Variants in PTPRJ observed in about 807,000 individuals in gnomAD.
The protein encoded by PTPRJ is receptor-type tyrosine-protein phosphatase eta.
In PTPRJ, 129 loss-of-function variants were observed where a neutral mutation model predicts 141.3. That is an observed-to-expected ratio of 0.91 (90% CI 0.79 to 1.06). PTPRJ has a LOEUF of 1.06. Ranked by LOEUF, PTPRJ falls within the 50% of genes least tolerant of loss-of-function variation. The probability of loss-of-function intolerance (pLI) is 0.00; values close to 1 mark genes in which losing one functional copy is unlikely to be tolerated. For missense variants in PTPRJ, 1,601 were observed against 1,679.7 expected, an observed-to-expected ratio of 0.95 and a Z score of 0.82; for synonymous variants, 610 against 640.5, an observed-to-expected ratio of 0.95 and a Z score of 0.72.
intron 1 of PTPRJ, among the ~76,000 whole-genome samples, chr11:47,991,921 A>G (rs1590387058): frequency 6.6e-6 from 1 of 152,162 alleles, no homozygotes; most frequent in Non-Finnish European, 1.5e-5. Flanking sequence ...CTGCTATTTT[A>G]TTATCTTATT....
chr11:48,008,185 A>G (rs892146554), intron 1 of PTPRJ, among the ~76,000 whole-genome samples: 1 of 152,158 alleles, frequency 6.6e-6, no homozygotes, highest in Non-Finnish European at 1.5e-5. Context: ...TTTTGAGGGG[A>G]GGCTGAGCCC....
chr11:47,993,859 C>T (rs1015931828), intron 1 of PTPRJ, among the ~76,000 whole-genome samples: 4 of 150,194 alleles, frequency 2.7e-5, no homozygotes, highest in Non-Finnish European at 5.9e-5. Context: ...GAGGCAGTCT[C>T]GCTCTGTTGC....
chr11:48,069,008 G>A (rs1855160116), intron 1 of PTPRJ, among the ~76,000 whole-genome samples: 1 of 152,152 alleles, frequency 6.6e-6, no homozygotes, highest in Non-Finnish European at 1.5e-5. Flanking sequence ...CTCTGGAGAG[G>A]AAGTGATCTT....
At chr11:48,011,475 T>G (rs1854784794) in intron 1 of PTPRJ, among the ~76,000 whole-genome samples, 1 of 152,154 alleles carries the variant, frequency 6.6e-6, no homozygotes, top group African/African-American at 2.4e-5. Context: ...TTATTCTCAT[T>G]AAACAGAAGT....
At chr11:48,068,304 A>C (rs1855138431) in intron 1 of PTPRJ, among the ~76,000 whole-genome samples, 2 of 152,038 alleles carry the variant, frequency 1.3e-5, no homozygotes, top group Admixed American at 1.3e-4. Flanking sequence ...CCCCACCTAA[A>C]TTTCACCTTG....
At chr11:47,996,227 C>T (rs12295233) in intron 1 of PTPRJ, among the ~76,000 whole-genome samples, 8,092 of 149,186 alleles carry the variant, frequency 0.054, 688 homozygotes, top group African/African-American at 0.18. Flanking sequence ...CCCAGCTACT[C>T]GGGAGGCTGA....
intron 1 of PTPRJ, among the ~76,000 whole-genome samples, chr11:48,051,677 C>T (rs960317301): frequency 1.3e-5 from 2 of 152,156 alleles, no homozygotes; most frequent in Admixed American, 6.5e-5. Context: ...TCACATCAGC[C>T]CTGTGGGCTT....
chr11:48,167,373 A>G lies in PTPRJ; in HGVS notation c.*11A>G, dbSNP rs1377484264. 2 of 1,613,630 alleles carry G rather than the reference A, an allele frequency of 1.2e-6. No individual in the cohort carries two copies. The highest frequency in any genetic ancestry group is 2.2e-5 in the South Asian group (2 of 90,976). On this transcript the variant is annotated 3_prime_UTR_variant, in exon 25 of 25. Transcript: ENST00000418331. ...GGTTACATCGCCTAATTCCAAAGGAATAACCTTTCTGGAGTGAACCAGACC... is the reference window on the plus strand; with the variant it reads ...GGTTACATCGCCTAATTCCAAAGGAGTAACCTTTCTGGAGTGAACCAGACC...
intron 1 of PTPRJ, among the ~76,000 whole-genome samples, chr11:48,044,000 C>T (rs994845301): frequency 1.3e-5 from 2 of 152,204 alleles, no homozygotes; most frequent in Admixed American, 1.3e-4. Context: ...GAGGCATACT[C>T]CTTCACTGTT....
intron 7 of PTPRJ, among the ~76,000 whole-genome samples, chr11:48,128,585 G>T (rs1213027594): frequency 6.6e-6 from 1 of 152,218 alleles, no homozygotes; most frequent in Non-Finnish European, 1.5e-5. Context: ...TGGTGCACTA[G>T]TAGTACAGTG....
At chr11:48,077,961 A>G (rs540611498) in intron 1 of PTPRJ, among the ~76,000 whole-genome samples, 3 of 152,326 alleles carry the variant, frequency 2.0e-5, no homozygotes, top group South Asian at 2.1e-4. Context: ...CAGATGCTAT[A>G]GGAATTGAGA....
intron 8 of PTPRJ, 91 bp downstream of exon 8, chr11:48,130,807 C>A: frequency 2.3e-6 from 3 of 1,315,104 alleles, no homozygotes; most frequent in Non-Finnish European, 2.0e-6. Context: ...TATTGTTTTT[C>A]TTTTAATTAT....
At chr11:48,148,936 C>T (rs550952981) in intron 15 of PTPRJ, among the ~76,000 whole-genome samples, 10 of 152,192 alleles carry the variant, frequency 6.6e-5, no homozygotes, top group African/African-American at 1.9e-4. Context: ...AGTGGGTATG[C>T]GTGCTTTCAG....
At chr11:48,067,889 T>C (rs1855127431) in intron 1 of PTPRJ, among the ~76,000 whole-genome samples, 5 of 152,158 alleles carry the variant, frequency 3.3e-5, no homozygotes. Context: ...TCCATAGCCC[T>C]TGGGGACGGG....
chr11:48,052,403 C>T (rs1424824778), intron 1 of PTPRJ, among the ~76,000 whole-genome samples: 1 of 152,228 alleles, frequency 6.6e-6, no homozygotes, highest in Non-Finnish European at 1.5e-5. Context: ...TCCTGGACAT[C>T]CTCTGGAGCC....
rs772451762 is a variant in PTPRJ, at chr11:48,125,069, C to T, written c.976C>T (p.Arg326Ter). 1.4e-5 allele frequency: 22 copies of T among 1,614,112 alleles called. No individual in the cohort carries two copies. Among genetic ancestry groups the T allele is most frequent in the East Asian group, 2.2e-5 (1 of 44,858 alleles). The change falls in exon 6 of 25, where the codon CGA becomes TGA. Residue 326 changes from arginine to a stop codon, truncating the protein, a stop_gained. Coordinates refer to ENST00000418331, the MANE Select transcript of PTPRJ (RefSeq NM_002843.4). LOFTEE classifies it high-confidence loss of function. The part of the protein sequence containing the change: ...PVDPSSGQQS[R>*]DTEVLLVGLE... ...GGACCCATCCTCCGGCCAGCAGTCC[C>T]GAGACACGGAAGTCCTGCTTGTCGG...
chr11:48,063,178 ATTAG>A (rs1325210887), intron 1 of PTPRJ, among the ~76,000 whole-genome samples: 1 of 152,062 alleles, frequency 6.6e-6, no homozygotes, highest in Non-Finnish European at 1.5e-5. Flanking sequence ...AAATATAAAA[ATTAG>A]CTGGGCGTGG....
At chr11:48,049,557 A>AAACAAAACAAAACAAAACAC (rs1235108188) in intron 1 of PTPRJ, among the ~76,000 whole-genome samples, 55 of 149,642 alleles carry the variant, frequency 3.7e-4, no homozygotes, top group African/African-American at 1.4e-3. Context: ...AAACAAAACA[A>AAACAAAACAAAACAAAACAC]AACAAAACAA....
At chr11:48,013,211 T>G (rs932885033) in intron 1 of PTPRJ, among the ~76,000 whole-genome samples, 2 of 152,122 alleles carry the variant, frequency 1.3e-5, no homozygotes, top group Admixed American at 1.3e-4. Flanking sequence ...TGGGCTCATG[T>G]TCACCCCCAG....
Sources: gnomAD v4.1 joint callset for allele counts (sites outside exome capture counted in the v4.1 genomes callset) on GRCh38, gnomAD v4.1.1 for gene constraint, MANE v1.5 for transcripts, NCBI Gene and HGNC (gene_info 2026-07-23, HGNC 2026-07-21) for gene names.